The following ABRAXAS2 variants were observed in gnomAD, a reference collection of about 807,000 sequenced individuals.
The protein encoded by ABRAXAS2 is BRISC complex subunit Abraxas 2.
Under a neutral mutation model 49.0 loss-of-function variants are expected in ABRAXAS2, and 23 were observed. That is an observed-to-expected ratio of 0.47 (90% CI 0.34 to 0.66). The LOEUF (loss-of-function observed/expected upper bound fraction) is 0.66. Among genes scored for constraint, ABRAXAS2 ranks in the 30% least tolerant of loss-of-function variants. ABRAXAS2 has a pLI of 0.01. For missense variants in ABRAXAS2, 443 were observed against 511.9 expected (o/e 0.87, Z 1.30); for synonymous variants, 168 against 180.2 (o/e 0.93, Z 0.54).
intron 4 of ABRAXAS2, 124 bp from the exon 5 acceptor site, chr10:124,826,471 G>A (rs1449320424): frequency 2.3e-6 from 2 of 862,202 alleles, no homozygotes; most frequent in African/African-American, 1.7e-5. Flanking sequence ...GGACGCTTGG[G>A]TTGTTCCAGG....
At chr10:124,810,670 C>A (rs1171191678) in intron 2 of ABRAXAS2, among the ~76,000 whole-genome samples, 7 of 151,258 alleles carry the variant, frequency 4.6e-5, no homozygotes, top group African/African-American at 1.5e-4. Flanking sequence ...GCAGCCTCCA[C>A]CTCCTGGGTT....
chr10:124,810,610 G>A (rs1950780731), intron 2 of ABRAXAS2, among the ~76,000 whole-genome samples: 2 of 149,618 alleles, frequency 1.3e-5, no homozygotes, highest in African/African-American at 2.5e-5. Flanking sequence ...TTGAGATGGA[G>A]TCTCCCTCTG....
Position 124,835,013 on chromosome 10 carries a change from T to C in ABRAXAS2, c.*42T>C, listed in dbSNP as rs11245382. 7.6e-3 allele frequency: 11,060 copies of C among 1,457,230 alleles called. 673 individuals are homozygous for C. In the African/African-American group the frequency reaches 0.13, roughly 18 times the overall value. The allele number at this position is 1,457,230 out of a possible 1,614,324, so 90.3% of individuals were successfully genotyped here. A position where few individuals can be genotyped will look rare whatever the true frequency, so the allele number is the denominator to read the frequency against. ...CTCCACCTAGCACTGTTTTTCTTCA[T>C]TGCTTACTGAGAGGGTTTTTGAGAA... On this transcript the variant is annotated 3_prime_UTR_variant, in exon 9 of 9. Coordinates refer to ENST00000298492, the MANE Select transcript of ABRAXAS2 (RefSeq NM_032182.4).
At chr10:124,806,261 G>A (rs571893665) in intron 1 of ABRAXAS2, among the ~76,000 whole-genome samples, 11 of 151,088 alleles carry the variant, frequency 7.3e-5, no homozygotes, top group African/African-American at 2.7e-4. Flanking sequence ...AGCAGAGATC[G>A]CGCCACTGCA....
Position 124,835,000 on chromosome 10 carries a change from C to CAGTGCTAGG in ABRAXAS2, c.*29_*30insAGTGCTAGG. The CAGTGCTAGG allele has an allele frequency of 6.6e-7, 1 of 1,511,258 alleles. No homozygotes were observed. The highest frequency in any genetic ancestry group is 8.9e-7 in the Non-Finnish European group (1 of 1,119,454). 93.6% of individuals were successfully genotyped at this position (1,511,258 alleles called of 1,614,324 possible). A position where few individuals can be genotyped will look rare whatever the true frequency, so the allele number is the denominator to read the frequency against. ...AACAAAAGAAACTCTCCACCTAGCA[C>CAGTGCTAGG]TGTTTTTCTTCATTGCTTACTGAGA... On this transcript the variant is annotated 3_prime_UTR_variant, in exon 9 of 9. Transcript: ENST00000298492.
At chr10:124,828,949 G>A (rs574823876) in intron 6 of ABRAXAS2, 74 bp downstream of exon 6, 45 of 1,506,036 alleles carry the variant, frequency 3.0e-5, no homozygotes, top group African/African-American at 7.0e-5. Flanking sequence ...TTTAAAAGGT[G>A]TATGGAAAAA....
At chr10:124,804,663 G>C (rs1018933517) in intron 1 of ABRAXAS2, among the ~76,000 whole-genome samples, 16 of 146,834 alleles carry the variant, frequency 1.1e-4, no homozygotes, top group Non-Finnish European at 1.6e-4. Context: ...CACTCCTTTG[G>C]ATCTCAGAGA....
At chr10:124,810,867 G>A (rs984620999) in intron 2 of ABRAXAS2, among the ~76,000 whole-genome samples, 3 of 151,054 alleles carry the variant, frequency 2.0e-5, no homozygotes, top group South Asian at 2.1e-4. Context: ...AGGCGTGAGC[G>A]ACCACGCTGG....
In ABRAXAS2 at chr10:124,836,491, C is replaced by T. The variant is rs909353849; in HGVS notation, c.*1520C>T. On this transcript the variant is annotated 3_prime_UTR_variant, in exon 9 of 9. Coordinates refer to ENST00000298492, the MANE Select transcript of ABRAXAS2 (RefSeq NM_032182.4). ...AATGTGTTCCAGTTGTTATCAGCTA[C>T]CTACTACGCAGCTTCAGCGCCAGTG... 1 of 152,552 alleles carries T rather than the reference C, an allele frequency of 6.6e-6. No homozygotes were observed. The highest frequency in any genetic ancestry group is 1.9e-4 in the East Asian group (1 of 5,190). 9.4% of individuals were successfully genotyped at this position (152,552 alleles called of 1,614,324 possible).
At chr10:124,808,011 G>A (rs900639693) in intron 2 of ABRAXAS2, among the ~76,000 whole-genome samples, 2 of 152,194 alleles carry the variant, frequency 1.3e-5, no homozygotes, top group Non-Finnish European at 2.9e-5. Flanking sequence ...ATCTGGGGAA[G>A]ATGAAGGAGT....
intron 2 of ABRAXAS2, among the ~76,000 whole-genome samples, chr10:124,814,234 A>G (rs893918625): frequency 4.0e-5 from 6 of 151,370 alleles, no homozygotes; most frequent in African/African-American, 1.5e-4. Context: ...AGGTGATCCA[A>G]CCTCCTCGGC....
intron 1 of ABRAXAS2, among the ~76,000 whole-genome samples, chr10:124,802,864 T>C (rs1950715330): frequency 6.6e-6 from 1 of 152,234 alleles, no homozygotes; most frequent in South Asian, 2.1e-4. Flanking sequence ...TCAGCAATCT[T>C]AGCTTCCATT....
In ABRAXAS2 at chr10:124,805,335, C is replaced by T. The variant is rs4962701; in HGVS notation, c.73-1496C>T. 6.0e-3 allele frequency among the ~76,000 whole-genome samples: 853 copies of T among 142,492 alleles called. 26 individuals are homozygous for T. Among genetic ancestry groups the T allele is most frequent in the Admixed American group, 0.046 (669 of 14,434 alleles). 93.5% of individuals were successfully genotyped at this position (142,492 alleles called of 152,430 possible). A position where few individuals can be genotyped will look rare whatever the true frequency, so the allele number is the denominator to read the frequency against. ...CGGCCTGGGCGACAGAGCGAGACTC[C>T]GTCTCAAAAAAAAAAAAAAAAAGTG... On this transcript the variant is annotated intron_variant, in intron 1 of 8. Transcript: ENST00000298492.
At chr10:124,815,892 CTTT>C (rs34730970) in intron 2 of ABRAXAS2, among the ~76,000 whole-genome samples, 5 of 94,656 alleles carry the variant, frequency 5.3e-5, no homozygotes, top group Admixed American at 1.2e-4. Context: ...GTCCTCGCAG[CTTT>C]TTTTTTTTTT....
intron 4 of ABRAXAS2, among the ~76,000 whole-genome samples, chr10:124,821,331 C>T (rs570396043): frequency 6.6e-5 from 10 of 152,158 alleles, no homozygotes; most frequent in South Asian, 6.2e-4. Flanking sequence ...CTTGGGGAGG[C>T]GGAGGCAGGT....
In ABRAXAS2 at chr10:124,834,713, T is replaced by C. The variant is rs1176410570; in HGVS notation, c.990T>C (p.Phe330=). The change falls in exon 9 of 9, where the codon TTT becomes TTC. Residue 330 remains phenylalanine, a synonymous_variant. Coordinates refer to ENST00000298492, the MANE Select transcript of ABRAXAS2 (RefSeq NM_032182.4). ...LSHSRMERSV[F]MPRPQAVGSS... Reference sequence around the variant, plus strand: ...ACTCTCGCATGGAAAGGAGTGTCTTTATGCCTCGACCTCAAGCTGTGGGCT... The same window carrying C: ...ACTCTCGCATGGAAAGGAGTGTCTTCATGCCTCGACCTCAAGCTGTGGGCT... The C allele has an allele frequency of 8.7e-6, 14 of 1,614,032 alleles. No individual in the cohort carries two copies. Among genetic ancestry groups the C allele is most frequent in the African/African-American group, 1.3e-5 (1 of 74,910 alleles).
At chr10:124,806,144 A>C (rs545303151) in intron 1 of ABRAXAS2, among the ~76,000 whole-genome samples, 94 of 139,904 alleles carry the variant, frequency 6.7e-4, no homozygotes, top group African/African-American at 2.4e-3. Flanking sequence ...ACTAAAATAC[A>C]AAAAAAAAAA....
chr10:124,807,109 G>A (rs914095711), intron 2 of ABRAXAS2, among the ~76,000 whole-genome samples, 188 bp downstream of exon 2: 16 of 150,628 alleles, frequency 1.1e-4, no homozygotes, highest in East Asian at 5.9e-4. Flanking sequence ...TCAGGAGATC[G>A]AGACCATCCT....
At chr10:124,804,117 G>T (rs1372440318) in intron 1 of ABRAXAS2, among the ~76,000 whole-genome samples, 4 of 152,140 alleles carry the variant, frequency 2.6e-5, no homozygotes, top group Non-Finnish European at 5.9e-5. Flanking sequence ...GGCCCAGGCT[G>T]ATCTCAAACT....
Sources: allele counts gnomAD v4.1 joint callset (sites outside exome capture counted in the v4.1 genomes callset), GRCh38; gene constraint gnomAD v4.1.1; transcripts MANE v1.5; gene names NCBI Gene and HGNC (gene_info 2026-07-23, HGNC 2026-07-21).